DNAI4: variants seen among roughly 807,000 people sequenced by gnomAD.
DNAI4 encodes WD repeat domain 78.
A neutral mutation model predicts 105.8 loss-of-function variants in DNAI4; 85 were observed. That is an observed-to-expected ratio of 0.80 (90% CI 0.67 to 0.96). The LOEUF is 0.96. Ranked by LOEUF, DNAI4 falls within the 40% of genes least tolerant of loss-of-function variation. The probability of loss-of-function intolerance (pLI) is 0.00; values close to 1 mark genes in which losing one functional copy is unlikely to be tolerated. For synonymous variants in DNAI4, 352 were observed against 331.5 expected (o/e 1.06, Z -0.67); for missense variants, 1,014 against 1,005.6 (o/e 1.01, Z -0.11).
At chr1:66,819,908 T>TA (rs1645591504) in intron 16 of DNAI4, among the ~76,000 whole-genome samples, 1 of 151,990 alleles carries the variant, frequency 6.6e-6, no homozygotes, top group Non-Finnish European at 1.5e-5. Context: ...GACTTTTTTT[T>TA]TAAAAAAGAT....
intron 1 of DNAI4, among the ~76,000 whole-genome samples, chr1:66,910,965 T>C (rs1292723141): frequency 2.6e-5 from 4 of 152,166 alleles, no homozygotes; most frequent in Non-Finnish European, 5.9e-5. Flanking sequence ...AACAATCAGT[T>C]CCGCAGTGGA....
At chr1:66,854,575 G>A (rs1646461814) in intron 7 of DNAI4, among the ~76,000 whole-genome samples, 1 of 152,206 alleles carries the variant, frequency 6.6e-6, no homozygotes, top group Non-Finnish European at 1.5e-5. Flanking sequence ...GCGGAGGCAG[G>A]CAGATCACCT....
At chr1:66,883,383 C>T (rs1183563616) in intron 4 of DNAI4, among the ~76,000 whole-genome samples, 7 of 151,982 alleles carry the variant, frequency 4.6e-5, no homozygotes, top group African/African-American at 1.7e-4. Flanking sequence ...GTTCAAGTGA[C>T]TCTCCTGCTT....
intron 7 of DNAI4, among the ~76,000 whole-genome samples, chr1:66,861,231 C>G (rs1646619133): frequency 6.6e-6 from 1 of 152,046 alleles, no homozygotes; most frequent in African/African-American, 2.4e-5. Context: ...GAAAATATTC[C>G]ATTTGTCTTT....
intron 1 of DNAI4, among the ~76,000 whole-genome samples, chr1:66,912,660 CAT>C (rs909091288): frequency 9.2e-5 from 14 of 152,282 alleles, no homozygotes; most frequent in Middle Eastern, 3.4e-3. Context: ...ATCTTCGGCA[CAT>C]GTTTCCAGGA....
intron 8 of DNAI4, 28 bp downstream of exon 8, chr1:66,847,456 C>A (rs368119629): frequency 1.2e-6 from 2 of 1,600,846 alleles, no homozygotes; most frequent in Admixed American, 1.7e-5. Context: ...CTGCACCCAG[C>A]CTAAACATGT....
intron 6 of DNAI4, among the ~76,000 whole-genome samples, chr1:66,868,531 G>A (rs556904892): frequency 6.6e-6 from 1 of 152,254 alleles, no homozygotes; most frequent in South Asian, 2.1e-4. Context: ...GTGGAGGAAG[G>A]TTGAATTCAC....
Position 66,890,593 on chromosome 1 carries a change from T to C in DNAI4, c.643+561A>G, listed in dbSNP as rs775812626. The C allele has an allele frequency of 4.5e-5, 8 of 179,218 alleles. No homozygotes were observed. The highest frequency in any genetic ancestry group is 6.8e-5 in the Non-Finnish European group (6 of 88,242). The allele number at this position is 179,218 out of a possible 1,614,324, so 11.1% of individuals were successfully genotyped here. A position where few individuals can be genotyped will look rare whatever the true frequency, so the allele number is the denominator to read the frequency against. ...CAGCCTGTGTGACAGAGCAAGACTC[T>C]GTCTCAAAATAAAAAAAAAGAGGAA... On this transcript the variant is annotated intron_variant, in intron 4 of 16. Transcript: ENST00000371026. The surrounding 1 kb of genome is among the most constrained non-coding windows in gnomAD (Gnocchi z 4.1).
chr1:66,835,364 C>A (rs555234698), intron 11 of DNAI4, among the ~76,000 whole-genome samples: 1 of 152,076 alleles, frequency 6.6e-6, no homozygotes, highest in Non-Finnish European at 1.5e-5. Context: ...AGAAGTGAAA[C>A]CCAAAGCAAT....
Position 66,827,876 on chromosome 1 carries a change from CCTT to C in DNAI4, c.2045_2047del (p.Glu682del), listed in dbSNP as rs774364751. The C allele has an allele frequency of 2.5e-6, 4 of 1,606,996 alleles. No individual in the cohort carries two copies. Among genetic ancestry groups the C allele is most frequent in the Non-Finnish European group, 3.4e-6 (4 of 1,176,670 alleles). On this transcript the variant is annotated inframe_deletion, in exon 14 of 17. Coordinates refer to ENST00000371026, the MANE Select transcript of DNAI4 (RefSeq NM_024763.5). ...TGAACAAGAACATTTGTGAATATGA[CCTT>C]CTTCAGTGCCAGCCAAATAGATATT...
At chr1:66,896,707 C>T (rs1293236853) in intron 2 of DNAI4, among the ~76,000 whole-genome samples, 2 of 152,130 alleles carry the variant, frequency 1.3e-5, no homozygotes, top group Non-Finnish European at 2.9e-5. Flanking sequence ...CATGCGACAC[C>T]CTGCACCACC....
chr1:66,868,361 A>C (rs988452843), intron 6 of DNAI4, among the ~76,000 whole-genome samples: 5 of 152,240 alleles, frequency 3.3e-5, no homozygotes, highest in African/African-American at 1.2e-4. Context: ...GACTGGGCAC[A>C]GGATGCCTAG....
intron 9 of DNAI4, 141 bp from the exon 10 acceptor site, chr1:66,837,937 A>C (rs1250686106): frequency 1.3e-6 from 1 of 794,724 alleles, no homozygotes; most frequent in Non-Finnish European, 2.0e-6. Context: ...CCAGTACACC[A>C]TCTGTTTTTA....
At chr1:66,852,573 A>G (rs1190453166) in intron 7 of DNAI4, among the ~76,000 whole-genome samples, 1 of 152,162 alleles carries the variant, frequency 6.6e-6, no homozygotes, top group Non-Finnish European at 1.5e-5. Flanking sequence ...ATATTAAAAA[A>G]TCAATCAAAG....
At chr1:66,824,916 C>T (rs924667302) in intron 15 of DNAI4, among the ~76,000 whole-genome samples, 3 of 152,192 alleles carry the variant, frequency 2.0e-5, no homozygotes, top group Non-Finnish European at 4.4e-5. Context: ...GAATAAAATT[C>T]TACCTGCAGA....
At chr1:66,892,007 A>C (rs564385136) in intron 3 of DNAI4, among the ~76,000 whole-genome samples, 119 of 152,300 alleles carry the variant, frequency 7.8e-4, no homozygotes, top group African/African-American at 2.8e-3. Context: ...CACTGTTCAA[A>C]TGTCATCTTA....
At chr1:66,875,650 A>G (rs954754052) in intron 4 of DNAI4, among the ~76,000 whole-genome samples, 2 of 152,126 alleles carry the variant, frequency 1.3e-5, no homozygotes, top group East Asian at 1.9e-4. Context: ...TGAGAGTTCA[A>G]TGTTTTCTAT....
chr1:66,861,490 C>T (rs1646625550), intron 7 of DNAI4, among the ~76,000 whole-genome samples: 1 of 152,140 alleles, frequency 6.6e-6, no homozygotes, highest in African/African-American at 2.4e-5. Flanking sequence ...TTCCACATTG[C>T]AAAGTTTATT....
At chr1:66,838,676 T>C (rs575489064) in intron 9 of DNAI4, among the ~76,000 whole-genome samples, 1 of 152,342 alleles carries the variant, frequency 6.6e-6, no homozygotes, top group South Asian at 2.1e-4. Flanking sequence ...CACCTTACTT[T>C]CAGGCCAACG....
Sources: allele counts gnomAD v4.1 joint callset (sites outside exome capture counted in the v4.1 genomes callset), GRCh38; gene constraint gnomAD v4.1.1; non-coding constraint Gnocchi (gnomAD v3.1); transcripts MANE v1.5; gene names NCBI Gene and HGNC (gene_info 2026-07-23, HGNC 2026-07-21).